Variants in ELP4 observed in about 807,000 individuals in gnomAD.
ELP4 encodes elongator complex protein 4.
ELP4 carries 51 observed loss-of-function variants against 48.9 expected under a neutral mutation model. The observed-to-expected ratio is 1.04, with a 90% CI of 0.83 to 1.32. The LOEUF is 1.32. Among genes scored for constraint, ELP4 ranks in the 40% most tolerant of loss-of-function variants. The pLI, the probability that ELP4 is intolerant of heterozygous loss-of-function variation, is 0.00. For synonymous variants in ELP4, 210 were observed against 189.2 expected, an observed-to-expected ratio of 1.11 and a Z score of -0.90; for missense variants, 519 against 514.6, an observed-to-expected ratio of 1.01 and a Z score of -0.08.
chr11:31,513,859 A>T (rs1472074450), intron 1 of ELP4, among the ~76,000 whole-genome samples: 1 of 152,194 alleles, frequency 6.6e-6, no homozygotes, highest in Non-Finnish European at 1.5e-5. Context: ...TTCTAATATT[A>T]TTTCTTAAGT....
chr11:31,543,557 G>A (rs1444860587), intron 3 of ELP4, among the ~76,000 whole-genome samples: 1 of 152,096 alleles, frequency 6.6e-6, no homozygotes, highest in African/African-American at 2.4e-5. Context: ...CTGACCTCAT[G>A]ATCTGCCCAC....
chr11:31,570,949 G>A (rs555368474), intron 3 of ELP4, among the ~76,000 whole-genome samples: 4 of 150,956 alleles, frequency 2.6e-5, no homozygotes, highest in Non-Finnish European at 5.9e-5. Flanking sequence ...ACAGGCGCAC[G>A]CCAGCACGCC....
Position 31,650,239 on chromosome 11 carries a change from T to C in ELP4, c.1143+18T>C. On this transcript the variant is annotated intron_variant, in intron 9 of 9. Transcript: ENST00000640961. ...CCATTGAGGTAAGAGAATTTTTATGTTTTAGTTTACAATCTTGAGATAAAC... is the reference window on the plus strand; with the variant it reads ...CCATTGAGGTAAGAGAATTTTTATGCTTTAGTTTACAATCTTGAGATAAAC... The C allele has an allele frequency of 1.2e-6, 1 of 824,354 alleles. No individual in the cohort carries two copies. Among genetic ancestry groups the C allele is most frequent in the Non-Finnish European group, 2.0e-6 (1 of 502,146 alleles). 51.1% of individuals were successfully genotyped at this position (824,354 alleles called of 1,614,324 possible).
intron 3 of ELP4, chr11:31,580,610 GTCTCTCTTGCTC>G (rs1367936534): frequency 2.0e-5 from 3 of 152,722 alleles, no homozygotes. Flanking sequence ...CGCACACGCT[GTCTCTCTTGCTC>G]TCTCTCTTGC....
At chr11:31,554,924 T>C (rs1014707971) in intron 3 of ELP4, among the ~76,000 whole-genome samples, 2 of 152,206 alleles carry the variant, frequency 1.3e-5, no homozygotes, top group African/African-American at 4.8e-5. Flanking sequence ...CATTTCAGAT[T>C]TTATATTCAA....
At chr11:31,583,016 C>A (rs1957415206) in intron 3 of ELP4, among the ~76,000 whole-genome samples, 1 of 152,110 alleles carries the variant, frequency 6.6e-6, no homozygotes, top group South Asian at 2.1e-4. Context: ...GCTCCAGCTT[C>A]TGAGGTTTGT....
At chr11:31,735,913 T>C (rs1947304488) in intron 9 of ELP4, among the ~76,000 whole-genome samples, 1 of 152,262 alleles carries the variant, frequency 6.6e-6, no homozygotes, top group Non-Finnish European at 1.5e-5. Context: ...AGGTAATTTA[T>C]AGATTCAATG....
rs565718919 is a variant in ELP4 at position 31,641,390 on chromosome 11, C to A, written c.928-6351C>A. On this transcript the variant is annotated intron_variant, in intron 7 of 9. Transcript: ENST00000640961. Reference sequence around the variant, plus strand: ...TATATCAACAAACATAATTCAAAGGCATTCTTAATTTTTAAAGGCCTTATA... The same window carrying A: ...TATATCAACAAACATAATTCAAAGGAATTCTTAATTTTTAAAGGCCTTATA... 3.3e-5 allele frequency among the ~76,000 whole-genome samples: 5 copies of A among 151,862 alleles called. No individual in the cohort carries two copies. In the East Asian group the frequency reaches 9.8e-4, roughly 30 times the overall value.
intron 9 of ELP4, among the ~76,000 whole-genome samples, chr11:31,747,659 G>A (rs1366485269): frequency 1.3e-5 from 2 of 152,164 alleles, no homozygotes; most frequent in East Asian, 3.8e-4. Flanking sequence ...AGGCAACGTG[G>A]CTACCACTCT....
intron 3 of ELP4, among the ~76,000 whole-genome samples, chr11:31,560,476 G>A (rs1488007634): frequency 6.6e-6 from 1 of 151,484 alleles, no homozygotes; most frequent in African/African-American, 2.4e-5. Flanking sequence ...TGTATAACTT[G>A]CTTGCCTAAT....
chr11:31,615,847 A>C (rs1218357978), intron 5 of ELP4, among the ~76,000 whole-genome samples: 1 of 152,016 alleles, frequency 6.6e-6, no homozygotes, highest in Non-Finnish European at 1.5e-5. Context: ...TGTTCCATCT[A>C]GTCATCCCAC....
At chr11:31,662,052 T>C (rs1401992514) in intron 9 of ELP4, among the ~76,000 whole-genome samples, 1 of 152,068 alleles carries the variant, frequency 6.6e-6, no homozygotes, top group African/African-American at 2.4e-5. Context: ...GTTTGGCTTG[T>C]TCAGAATTTT....
intron 5 of ELP4, among the ~76,000 whole-genome samples, chr11:31,625,049 A>C (rs1177119539): frequency 2.6e-5 from 4 of 151,442 alleles, no homozygotes; most frequent in Non-Finnish European, 4.4e-5. Flanking sequence ...AAATAAAAGA[A>C]GTATACTCTA....
chr11:31,555,771 T>G (rs1411104383), intron 3 of ELP4, among the ~76,000 whole-genome samples: 1 of 151,908 alleles, frequency 6.6e-6, no homozygotes, highest in Non-Finnish European at 1.5e-5. Flanking sequence ...CCAATACAGA[T>G]AAGTAGGGTT....
chr11:31,762,401 T>C (rs1947962349), intron 9 of ELP4, among the ~76,000 whole-genome samples: 1 of 152,184 alleles, frequency 6.6e-6, no homozygotes, highest in Non-Finnish European at 1.5e-5. Flanking sequence ...ATCTACATTT[T>C]ATTCGAAAGA....
chr11:31,647,731 T>A lies in ELP4; in HGVS notation c.928-10T>A. 3.3e-6 allele frequency: 5 copies of A among 1,534,892 alleles called. No individual in the cohort carries two copies. The highest frequency in any genetic ancestry group is 4.5e-6 in the Non-Finnish European group (5 of 1,109,016). ...ATTTAACGTTACTGTTTTGTTTCCATGTTTTGCAGAATAAAGCCATTATTG... is the reference window on the plus strand; with the variant it reads ...ATTTAACGTTACTGTTTTGTTTCCAAGTTTTGCAGAATAAAGCCATTATTG... On this transcript the variant is annotated splice_polypyrimidine_tract_variant and intron_variant, in intron 7 of 9. Transcript: ENST00000640961.
chr11:31,587,469 A>G (rs962343265), intron 3 of ELP4, among the ~76,000 whole-genome samples: 9 of 152,188 alleles, frequency 5.9e-5, no homozygotes, highest in South Asian at 2.1e-4. Flanking sequence ...TTGCAAGCTG[A>G]AAAGTGTAAA....
chr11:31,768,940 G>T (rs1470712920), intron 9 of ELP4, among the ~76,000 whole-genome samples: 1 of 152,194 alleles, frequency 6.6e-6, no homozygotes, highest in Non-Finnish European at 1.5e-5. Context: ...ACATGCTTCG[G>T]TTCTGAATGC....
Position 31,731,439 on chromosome 11 carries a change from A to C in ELP4, c.1144-51954A>C, listed in dbSNP as rs1025398651. 1.3e-5 allele frequency among the ~76,000 whole-genome samples: 2 copies of C among 152,202 alleles called. 1 individual carries two copies. The highest frequency in any genetic ancestry group is 1.3e-4 in the Admixed American group (2 of 15,286). On this transcript the variant is annotated intron_variant, in intron 9 of 9. Coordinates refer to ENST00000640961, the MANE Select transcript of ELP4 (RefSeq NM_019040.5). ...AAAATTCCCTAGAGGGTTCAACAGC[A>C]GACTTGATCAAGCTGAAGAAAGAAC...
Sources: allele counts gnomAD v4.1 joint callset (sites outside exome capture counted in the v4.1 genomes callset), GRCh38; gene constraint gnomAD v4.1.1; transcripts MANE v1.5; gene names NCBI Gene and HGNC (gene_info 2026-07-23, HGNC 2026-07-21).